Variants in SCNN1B observed in about 807,000 individuals in gnomAD.
SCNN1B encodes sodium channel epithelial 1 subunit beta.
SCNN1B carries 46 observed loss-of-function variants against 65.3 expected under a neutral mutation model. The ratio of observed to expected loss-of-function variants is 0.70; its 90% confidence interval spans 0.56 to 0.90. SCNN1B has a LOEUF of 0.90. Ranked by LOEUF, SCNN1B falls within the 40% of genes least tolerant of loss-of-function variation. The pLI is 0.00. For synonymous variants in SCNN1B, 349 were observed against 330.6 expected (o/e 1.06, Z -0.60); for missense variants, 751 against 830.5 (o/e 0.90, Z 1.18).
chr16:23,369,918 C>T (rs774970205), intron 5 of SCNN1B, among the ~76,000 whole-genome samples: 8 of 152,118 alleles, frequency 5.3e-5, no homozygotes, highest in Non-Finnish European at 7.4e-5. Flanking sequence ...TGTGAGCATC[C>T]GAGGAGCTCA....
chr16:23,320,020 T>A (rs1186956598), intron 1 of SCNN1B, among the ~76,000 whole-genome samples: 1 of 152,192 alleles, frequency 6.6e-6, no homozygotes, highest in Non-Finnish European at 1.5e-5. Flanking sequence ...GTGCTCAGAT[T>A]ACAGGCGTGA....
At chr16:23,364,263 A>C (rs2142031924) in intron 4 of SCNN1B, among the ~76,000 whole-genome samples, 1 of 152,344 alleles carries the variant, frequency 6.6e-6, no homozygotes, top group East Asian at 1.9e-4. Flanking sequence ...AGTACTATTA[A>C]CTAATAGTTC....
At chr16:23,371,259 G>A in intron 5 of SCNN1B, 40 bp from the exon 6 acceptor site, 1 of 1,611,456 alleles carries the variant, frequency 6.2e-7, no homozygotes, top group Non-Finnish European at 8.5e-7. Context: ...TTCTGCCTCA[G>A]GAGAAAGTTC....
intron 7 of SCNN1B, chr16:23,372,153 A>G: frequency 3.7e-6 from 2 of 533,594 alleles, no homozygotes; most frequent in South Asian, 2.0e-5. Flanking sequence ...GGGTTTCCCA[A>G]GATGAAAACA....
intron 4 of SCNN1B, among the ~76,000 whole-genome samples, chr16:23,365,620 A>AAGAAAGAAAGAAAG (rs1567313778): frequency 0.017 from 1,395 of 80,448 alleles, 42 homozygotes; most frequent in South Asian, 0.073. Context: ...AAAGAAAGAA[A>AAGAAAGAAAGAAAG]AAAGAAAGAA....
At chr16:23,356,659 G>A (rs1220761149) in intron 4 of SCNN1B, among the ~76,000 whole-genome samples, 3 of 151,918 alleles carry the variant, frequency 2.0e-5, no homozygotes, top group Non-Finnish European at 4.4e-5. Flanking sequence ...AAAACACGAG[G>A]TTATAAAAGT....
At chr16:23,362,326 T>C (rs918781797) in intron 4 of SCNN1B, among the ~76,000 whole-genome samples, 41 of 134,386 alleles carry the variant, frequency 3.1e-4, no homozygotes, top group African/African-American at 1.2e-3. Flanking sequence ...GCCTGAGCAA[T>C]CTCAAAAAAA....
chr16:23,353,760 A>G (rs1174903705), intron 3 of SCNN1B, among the ~76,000 whole-genome samples: 3 of 152,246 alleles, frequency 2.0e-5, no homozygotes, highest in Non-Finnish European at 4.4e-5. Context: ...GTGAAAAGCC[A>G]CAGCTGTGCA....
intron 1 of SCNN1B, among the ~76,000 whole-genome samples, chr16:23,316,260 T>C (rs1961458391): frequency 7.1e-6 from 1 of 140,064 alleles, no homozygotes; most frequent in African/African-American, 2.7e-5. Flanking sequence ...ATCACAACCA[T>C]TATCACCATC....
intron 8 of SCNN1B, among the ~76,000 whole-genome samples, chr16:23,376,276 T>C (rs1459751604): frequency 1.3e-5 from 2 of 152,288 alleles, no homozygotes; most frequent in African/African-American, 4.8e-5. Flanking sequence ...AGTGGGTTGC[T>C]GTATGTAGTT....
At chr16:23,321,579 C>G (rs1961588345) in intron 1 of SCNN1B, among the ~76,000 whole-genome samples, 1 of 152,162 alleles carries the variant, frequency 6.6e-6, no homozygotes, top group African/African-American at 2.4e-5. Flanking sequence ...TGCTCTCCAG[C>G]AGAGTGACCT....
At chr16:23,379,508 A>G (rs919282523) in intron 11 of SCNN1B, among the ~76,000 whole-genome samples, 6 of 152,082 alleles carry the variant, frequency 3.9e-5, no homozygotes, top group African/African-American at 1.4e-4. Context: ...AAGAAGAGGT[A>G]CCAATGTCCA....
rs181467933 is a variant in SCNN1B at position 23,304,176 on chromosome 16, A to T, written c.-9+1739A>T. 4 of 1,185,116 alleles carry T rather than the reference A, an allele frequency of 3.4e-6. No homozygotes were observed. In the African/African-American group the frequency reaches 4.6e-5, roughly 13 times the overall value. The allele number at this position is 1,185,116 out of a possible 1,614,324, so 73.4% of individuals were successfully genotyped here. On this transcript the variant is annotated intron_variant, in intron 1 of 12. Coordinates refer to ENST00000343070, the MANE Select transcript of SCNN1B (RefSeq NM_000336.3). ...TTCAATTTATTTTTCTTTATCCTAA[A>T]CTAACTTCACAGGATCTGAATTTAG... is the stretch of plus-strand genomic sequence containing the variant.
chr16:23,306,825 G>C (rs1413156587), intron 1 of SCNN1B, among the ~76,000 whole-genome samples: 1 of 152,204 alleles, frequency 6.6e-6, no homozygotes, highest in Non-Finnish European at 1.5e-5. Context: ...GGGTGAGTAG[G>C]AGGAAAGATA....
chr16:23,291,902 A>G (rs1471321281), intron 2 of SCNN1B, among the ~76,000 whole-genome samples: 5 of 151,936 alleles, frequency 3.3e-5, no homozygotes, highest in African/African-American at 9.7e-5. Context: ...ATTTATATAA[A>G]TAAATATATA....
Position 23,321,950 on chromosome 16 carries a change from G to A in SCNN1B, c.-9+19513G>A, listed in dbSNP as rs118139060. ...TAAGGTGGAAGGATCGCTTGAGCCC[G>A]GGAGGCAAACGTTGCAGTGAGCTAA... On this transcript the variant is annotated intron_variant, in intron 1 of 12. Transcript: ENST00000343070. 5.3e-3 allele frequency among the ~76,000 whole-genome samples: 804 copies of A among 152,156 alleles called. 1 individual carries two copies. The highest frequency in any genetic ancestry group is 7.4e-3 in the Non-Finnish European group (505 of 67,996).
chr16:23,371,431 C>T lies in SCNN1B; in HGVS notation c.1013C>T (p.Ser338Leu), dbSNP rs757486841. The change falls in exon 6 of 13, where the codon TCG becomes TTG. Residue 338 changes from serine (S) to leucine (L), a missense_variant. Coordinates refer to ENST00000343070, the MANE Select transcript of SCNN1B (RefSeq NM_000336.3). ...AGAGATGAGGGCATCTACGCCATGTCGGGGACAGAGACGTCCATCGGGGTA... is the reference window on the plus strand; with the variant it reads ...AGAGATGAGGGCATCTACGCCATGTTGGGGACAGAGACGTCCATCGGGGTA... Reference protein sequence around the residue: ...FIRDEGIYAMSGTETSIGVLV... With the variant: ...FIRDEGIYAMLGTETSIGVLV... The T allele has an allele frequency of 5.0e-6, 8 of 1,613,934 alleles. No homozygotes were observed. The highest frequency in any genetic ancestry group is 2.7e-5 in the African/African-American group (2 of 74,928).
chr16:23,325,979 G>C (rs1287327741), intron 1 of SCNN1B, among the ~76,000 whole-genome samples: 1 of 152,044 alleles, frequency 6.6e-6, no homozygotes, highest in Non-Finnish European at 1.5e-5. Context: ...GGAGACTGAG[G>C]TGGGAATATC....
chr16:23,374,523 G>A (rs1251869787), intron 7 of SCNN1B, among the ~76,000 whole-genome samples: 52 of 130,458 alleles, frequency 4.0e-4, no homozygotes, highest in African/African-American at 1.4e-3. Context: ...GCAGTGAGCC[G>A]AGATCATGCC....
Sources: allele counts gnomAD v4.1 joint callset (sites outside exome capture counted in the v4.1 genomes callset), GRCh38; gene constraint gnomAD v4.1.1; transcripts MANE v1.5; gene names NCBI Gene and HGNC (gene_info 2026-07-23, HGNC 2026-07-21).